The following MOB3B variants were observed in gnomAD, a reference collection of about 807,000 sequenced individuals.
MOB3B encodes MOB kinase activator 3B.
Under a neutral mutation model 18.7 loss-of-function variants are expected in MOB3B, and 7 were observed. The observed-to-expected ratio is 0.37, with a 90% CI of 0.21 to 0.70. MOB3B has a LOEUF of 0.70. Ranked by LOEUF, MOB3B falls within the 30% of genes least tolerant of loss-of-function variation. The probability of loss-of-function intolerance (pLI) is 0.52; values close to 1 mark genes in which losing one functional copy is unlikely to be tolerated. For missense variants in MOB3B, 253 were observed against 281.3 expected, an observed-to-expected ratio of 0.90 and a Z score of 0.72; for synonymous variants, 111 against 99.9, an observed-to-expected ratio of 1.11 and a Z score of -0.66.
At chr9:27,354,192 GC>G (rs1821150907) in intron 3 of MOB3B, among the ~76,000 whole-genome samples, 1 of 152,228 alleles carries the variant, frequency 6.6e-6, no homozygotes, top group South Asian at 2.1e-4. Context: ...CACCAGGCTA[GC>G]CAGGGTGACC....
chr9:27,363,842 A>G (rs924442175), intron 2 of MOB3B, among the ~76,000 whole-genome samples: 1 of 151,708 alleles, frequency 6.6e-6, no homozygotes, highest in African/African-American at 2.4e-5. Flanking sequence ...CCTGGGCCCA[A>G]GCAATCCTCC....
intron 1 of MOB3B, among the ~76,000 whole-genome samples, chr9:27,504,551 C>T (rs1820031024): frequency 6.6e-6 from 1 of 152,080 alleles, no homozygotes; most frequent in African/African-American, 2.4e-5. Flanking sequence ...GATACTTGGC[C>T]CTGGGGCTTG....
At chr9:27,453,485 C>A (rs951180350) in intron 2 of MOB3B, among the ~76,000 whole-genome samples, 5 of 152,224 alleles carry the variant, frequency 3.3e-5, no homozygotes, top group African/African-American at 7.2e-5. Context: ...GATATAGAGG[C>A]ATCCATAGAG....
At chr9:27,344,116 A>G (rs78987436) in intron 3 of MOB3B, among the ~76,000 whole-genome samples, 1 of 151,740 alleles carries the variant, frequency 6.6e-6, no homozygotes, top group Admixed American at 6.6e-5. Flanking sequence ...GAAAAAAAAA[A>G]CATAGCTATC....
At chr9:27,336,219 A>G (rs1449421410) in intron 3 of MOB3B, among the ~76,000 whole-genome samples, 1 of 152,214 alleles carries the variant, frequency 6.6e-6, no homozygotes, top group East Asian at 1.9e-4. Flanking sequence ...ATAATGATTT[A>G]GTGGACTCAA....
chr9:27,447,523 G>C (rs562955027), intron 2 of MOB3B, among the ~76,000 whole-genome samples: 1 of 152,256 alleles, frequency 6.6e-6, no homozygotes, highest in South Asian at 2.1e-4. Context: ...CTGAGATACA[G>C]CCCATTAAAA....
At chr9:27,526,976 G>GC (rs1421347206) in intron 1 of MOB3B, among the ~76,000 whole-genome samples, 1 of 152,130 alleles carries the variant, frequency 6.6e-6, no homozygotes, top group African/African-American at 2.4e-5. Flanking sequence ...CCTAAAGAAC[G>GC]CATCAGCCCC....
chr9:27,474,610 C>A (rs767651001), intron 1 of MOB3B, among the ~76,000 whole-genome samples: 2 of 152,166 alleles, frequency 1.3e-5, no homozygotes, highest in Non-Finnish European at 2.9e-5. Context: ...AGACACATAG[C>A]TACTTCCTGT....
In MOB3B at chr9:27,458,654, G is replaced by A. The variant is rs116933120; in HGVS notation, c.-198-2906C>T. ...CAGCCTCGACCTCCCAGGTTCAAAC[G>A]ATCCTCCTGTCTCAGCCTTCTAAGT... On this transcript the variant is annotated intron_variant, in intron 1 of 3. Coordinates refer to ENST00000262244, the MANE Select transcript of MOB3B (RefSeq NM_024761.5). Among the ~76,000 whole-genome samples the A allele has an allele frequency of 9.3e-3, 1,327 of 143,002 alleles. 11 individuals carry two copies. Among genetic ancestry groups the A allele is most frequent in the Middle Eastern group, 0.025 (7 of 278 alleles). The allele number at this position is 143,002 out of a possible 152,430, so 93.8% of individuals were successfully genotyped here.
In MOB3B at chr9:27,325,813, C is replaced by T. The variant is rs1365077449; in HGVS notation, c.*4774G>A. On this transcript the variant is annotated 3_prime_UTR_variant, in exon 4 of 4. Transcript: ENST00000262244. Reference sequence around the variant, plus strand: ...CAATCTTTTTGCTTTTGTTTTCTCCCAGTGTGGTACTCATGGAGTATGGAA... The same window carrying T: ...CAATCTTTTTGCTTTTGTTTTCTCCTAGTGTGGTACTCATGGAGTATGGAA... 6.6e-6 allele frequency: 1 copy of T among 152,082 alleles called. No individual in the cohort carries two copies. The highest frequency in any genetic ancestry group is 2.4e-5 in the African/African-American group (1 of 41,400). 9.4% of individuals were successfully genotyped at this position (152,082 alleles called of 1,614,324 possible).
At chr9:27,437,801 T>A (rs1226306025) in intron 2 of MOB3B, among the ~76,000 whole-genome samples, 1 of 152,194 alleles carries the variant, frequency 6.6e-6, no homozygotes, top group East Asian at 1.9e-4. Flanking sequence ...AGGGCTTCAG[T>A]TTTTTATCAT....
intron 2 of MOB3B, among the ~76,000 whole-genome samples, chr9:27,415,341 C>T (rs1206356561): frequency 6.6e-6 from 1 of 151,708 alleles, no homozygotes; most frequent in African/African-American, 2.4e-5. Context: ...AATTTCCTGC[C>T]TCTGAAGATG....
In MOB3B at chr9:27,443,522, T is replaced by C. The variant is rs868338326; in HGVS notation, c.418+11611A>G. On this transcript the variant is annotated intron_variant, in intron 2 of 3. Transcript: ENST00000262244. Reference sequence around the variant, plus strand: ...GGTATTCTTAAATATCAGGATTTAGTTGGGGAAAATACCCAACCATATTTG... The same window carrying C: ...GGTATTCTTAAATATCAGGATTTAGCTGGGGAAAATACCCAACCATATTTG... Among the ~76,000 whole-genome samples the C allele has an allele frequency of 5.3e-5, 8 of 152,236 alleles. No homozygotes were observed. The South Asian group carries it at 1.7e-3, about 32-fold the overall frequency.
chr9:27,501,193 T>G (rs2492824), intron 1 of MOB3B, among the ~76,000 whole-genome samples: 3 of 152,120 alleles, frequency 2.0e-5, no homozygotes, highest in Non-Finnish European at 4.4e-5. Flanking sequence ...GACAGTGTGG[T>G]GATTCCTCAA....
At chr9:27,413,354 A>T (rs1822101713) in intron 2 of MOB3B, among the ~76,000 whole-genome samples, 1 of 152,146 alleles carries the variant, frequency 6.6e-6, no homozygotes, top group Non-Finnish European at 1.5e-5. Context: ...GCTTAAAGTG[A>T]CATAGACTAT....
rs117816759 is a variant in MOB3B, at chr9:27,382,221, C to T, written c.419-22985G>A. Among the ~76,000 whole-genome samples the T allele has an allele frequency of 4.3e-3, 647 of 152,204 alleles. 5 individuals carry two copies. The highest frequency in any genetic ancestry group is 4.9e-3 in the Non-Finnish European group (330 of 68,022). On this transcript the variant is annotated intron_variant, in intron 2 of 3. Transcript: ENST00000262244. ...ACCACTTTGTACTAGGTCAATTCCTCGACAGCTTTAATATGTGATGAGTAC... is the reference window on the plus strand; with the variant it reads ...ACCACTTTGTACTAGGTCAATTCCTTGACAGCTTTAATATGTGATGAGTAC...
At chr9:27,481,973 CTG>C (rs1819665032) in intron 1 of MOB3B, among the ~76,000 whole-genome samples, 1 of 150,620 alleles carries the variant, frequency 6.6e-6, no homozygotes, top group Admixed American at 6.6e-5. Context: ...AAAGCAAACA[CTG>C]AAAAAAGGAA....
At chr9:27,488,695 A>C (rs1027587569) in intron 1 of MOB3B, among the ~76,000 whole-genome samples, 12 of 152,218 alleles carry the variant, frequency 7.9e-5, no homozygotes, top group Admixed American at 7.8e-4. Context: ...GGTGTGAGCC[A>C]CTGCGCCCTG....
chr9:27,398,429 T>C (rs899097169), intron 2 of MOB3B, among the ~76,000 whole-genome samples: 3 of 152,226 alleles, frequency 2.0e-5, no homozygotes, highest in Admixed American at 1.3e-4. Context: ...AAAATGAAGA[T>C]AATAATTCCT....
Sources: gnomAD v4.1 joint callset for allele counts (sites outside exome capture counted in the v4.1 genomes callset) on GRCh38, gnomAD v4.1.1 for gene constraint, MANE v1.5 for transcripts, NCBI Gene and HGNC (gene_info 2026-07-23, HGNC 2026-07-21) for gene names.